Variants in WWC2 observed in about 807,000 individuals in gnomAD.
WWC2 encodes protein WWC2.
In WWC2, 101 loss-of-function variants were observed where a neutral mutation model predicts 138.5. That is an observed-to-expected ratio of 0.73 (90% CI 0.62 to 0.86). WWC2 has a LOEUF of 0.86. Ranked by LOEUF, WWC2 falls within the 40% of genes least tolerant of loss-of-function variation. The pLI, the probability that WWC2 is intolerant of heterozygous loss-of-function variation, is 0.00. For missense variants in WWC2, 1,420 were observed against 1,419.4 expected (o/e 1.00, Z -0.01); for synonymous variants, 558 against 538.4 (o/e 1.04, Z -0.50).
At chr4:183,273,913 G>C (rs1333270612) in intron 16 of WWC2, among the ~76,000 whole-genome samples, 1 of 152,140 alleles carries the variant, frequency 6.6e-6, no homozygotes. Context: ...ATTCATTTGA[G>C]TTGTTAACGT....
At chr4:183,120,702 C>T (rs1374001655) in intron 1 of WWC2, among the ~76,000 whole-genome samples, 1 of 152,034 alleles carries the variant, frequency 6.6e-6, no homozygotes, top group Admixed American at 6.6e-5. Context: ...TTTACCTTAT[C>T]TTTAGTTTTG....
At chr4:183,224,504 T>G (rs1041515294) in intron 4 of WWC2, among the ~76,000 whole-genome samples, 1 of 152,204 alleles carries the variant, frequency 6.6e-6, no homozygotes, top group African/African-American at 2.4e-5. Context: ...CATATCTCTG[T>G]CTAGCACCTG....
chr4:183,307,311 G>T (rs938266559), intron 21 of WWC2, among the ~76,000 whole-genome samples: 1 of 152,220 alleles, frequency 6.6e-6, no homozygotes, highest in Non-Finnish European at 1.5e-5. Context: ...ATCAAAATTT[G>T]TAGGATTTTG....
intron 7 of WWC2, among the ~76,000 whole-genome samples, chr4:183,249,528 A>G (rs952625106): frequency 2.6e-5 from 4 of 152,174 alleles, no homozygotes; most frequent in Non-Finnish European, 4.4e-5. Context: ...TATATTTTGT[A>G]CAGTTGAAAG....
At chr4:183,242,823 A>G (rs1560861973) in intron 5 of WWC2, among the ~76,000 whole-genome samples, 1 of 152,248 alleles carries the variant, frequency 6.6e-6, no homozygotes, top group African/African-American at 2.4e-5. Context: ...AACAAAAAGC[A>G]TGATACTTTA....
At chr4:183,286,950 G>GT (rs1738276196) in intron 20 of WWC2, among the ~76,000 whole-genome samples, 1 of 152,176 alleles carries the variant, frequency 6.6e-6, no homozygotes, top group Non-Finnish European at 1.5e-5. Context: ...TTGGGGCAGG[G>GT]TGGGGGTGTG....
At chr4:183,233,127 AT>A (rs200728352) in intron 4 of WWC2, among the ~76,000 whole-genome samples, 1,130 of 40,058 alleles carry the variant, frequency 0.028, 31 homozygotes, top group African/African-American at 0.085. Context: ...TTTACTGTGT[AT>A]TTTTTTTTTC....
intron 21 of WWC2, among the ~76,000 whole-genome samples, chr4:183,306,188 A>G (rs1739019014): frequency 1.3e-5 from 2 of 152,248 alleles, no homozygotes; most frequent in Admixed American, 1.3e-4. Context: ...TAAAGCCACA[A>G]AAGGCAGTGA....
intron 4 of WWC2, among the ~76,000 whole-genome samples, chr4:183,228,884 C>T (rs1227892896): frequency 6.6e-6 from 1 of 152,042 alleles, no homozygotes; most frequent in African/African-American, 2.4e-5. Context: ...GCAGTAGAAG[C>T]TCATCTAGCA....
intron 9 of WWC2, among the ~76,000 whole-genome samples, chr4:183,254,565 C>T (rs1580114228): frequency 6.6e-6 from 1 of 152,268 alleles, no homozygotes; most frequent in South Asian, 2.1e-4. Flanking sequence ...GTTGATTATT[C>T]CATCTAAAAA....
intron 1 of WWC2, among the ~76,000 whole-genome samples, chr4:183,153,645 CTT>C (rs397964355): frequency 5.4e-5 from 7 of 129,036 alleles, no homozygotes; most frequent in African/African-American, 6.0e-5. Flanking sequence ...TAGAAGTAGT[CTT>C]TTTTTTTTTT....
intron 15 of WWC2, 112 bp downstream of exon 15, chr4:183,269,275 A>G (rs769660315): frequency 3.7e-5 from 38 of 1,017,556 alleles, no homozygotes; most frequent in East Asian, 1.0e-4. Context: ...GACCTGCCCA[A>G]CATCTTGGGA....
At position 183,193,758 on chromosome 4, in the gene WWC2, C is replaced by T. The variant is rs762676878; in HGVS notation, c.241+50C>T. ...CAAACATATCAGAAAAGTAATCCCC[C>T]AAAACCTACAGTCACACAAAAGAAT... is the stretch of plus-strand genomic sequence containing the variant. On this transcript the variant is annotated intron_variant, in intron 2 of 22. Coordinates refer to ENST00000403733, the MANE Select transcript of WWC2 (RefSeq NM_024949.6). The T allele has an allele frequency of 2.9e-6, 4 of 1,401,332 alleles. No homozygotes were observed. The African/African-American group carries it at 5.7e-5, about 20-fold the overall frequency. 86.8% of individuals were successfully genotyped at this position (1,401,332 alleles called of 1,614,324 possible). A position where few individuals can be genotyped will look rare whatever the true frequency, so the allele number is the denominator to read the frequency against.
intron 21 of WWC2, among the ~76,000 whole-genome samples, chr4:183,295,429 G>A (rs1037430115): frequency 3.9e-5 from 6 of 152,222 alleles, no homozygotes; most frequent in Non-Finnish European, 7.3e-5. Flanking sequence ...AATACAGCCT[G>A]TAAAACGTGA....
chr4:183,240,052 A>ATAAAGTAAATGTTACT (rs1736567830), intron 4 of WWC2, 131 bp from the exon 5 acceptor site: 3 of 624,112 alleles, frequency 4.8e-6, no homozygotes, highest in Non-Finnish European at 8.1e-6. Flanking sequence ...GGAGAAACTG[A>ATAAAGTAAATGTTACT]TAAAGTAAAT....
At chr4:183,185,609 G>A (rs748182937) in intron 1 of WWC2, among the ~76,000 whole-genome samples, 22 of 151,748 alleles carry the variant, frequency 1.4e-4, no homozygotes, top group Admixed American at 1.3e-4. Flanking sequence ...CCTTTTATTC[G>A]TAACTAGACT....
At chr4:183,114,236 T>C (rs1278034129) in intron 1 of WWC2, among the ~76,000 whole-genome samples, 1 of 152,174 alleles carries the variant, frequency 6.6e-6, no homozygotes, top group Non-Finnish European at 1.5e-5. Flanking sequence ...TGCCTGCTCC[T>C]CTTTTGCCTT....
chr4:183,273,531 C>T (rs1028964251), intron 16 of WWC2, among the ~76,000 whole-genome samples: 3 of 151,982 alleles, frequency 2.0e-5, no homozygotes, highest in Admixed American at 1.3e-4. Flanking sequence ...CTCAAACTCC[C>T]GACCTCAGGT....
chr4:183,142,176 C>T (rs1039894001), intron 1 of WWC2, among the ~76,000 whole-genome samples: 4 of 152,150 alleles, frequency 2.6e-5, no homozygotes, highest in African/African-American at 9.7e-5. Context: ...AGGCCCCATA[C>T]CTGGGATATT....
Sources: gnomAD v4.1 joint callset for allele counts (sites outside exome capture counted in the v4.1 genomes callset) on GRCh38, gnomAD v4.1.1 for gene constraint, MANE v1.5 for transcripts, NCBI Gene and HGNC (gene_info 2026-07-23, HGNC 2026-07-21) for gene names.